CACNB2: variants seen among roughly 807,000 people sequenced by gnomAD.
CACNB2 encodes the protein voltage-dependent L-type calcium channel subunit beta-2.
In CACNB2, 42 loss-of-function variants were observed where a neutral mutation model predicts 73.3. The ratio of observed to expected loss-of-function variants is 0.57; its 90% confidence interval spans 0.45 to 0.74. The LOEUF (loss-of-function observed/expected upper bound fraction) is 0.74. CACNB2 is among the 30% of genes least tolerant of loss of function. The pLI is 0.00. For synonymous variants in CACNB2, 348 were observed against 310.3 expected (o/e 1.12, Z -1.28); for missense variants, 940 against 853.0 (o/e 1.10, Z -1.27).
chr10:18,344,073 A>T (rs1488186874), intron 2 of CACNB2, among the ~76,000 whole-genome samples: 1 of 151,978 alleles, frequency 6.6e-6, no homozygotes, highest in Non-Finnish European at 1.5e-5. Flanking sequence ...TATCAAAAAA[A>T]AAAAAAAAAA....
chr10:18,302,405 A>AT (rs1196852013), intron 2 of CACNB2, among the ~76,000 whole-genome samples: 1 of 152,246 alleles, frequency 6.6e-6, no homozygotes, highest in Non-Finnish European at 1.5e-5. Flanking sequence ...ATGCACGTTT[A>AT]TAGCAGCAGA....
rs1038045815 is a variant in CACNB2 at position 18,156,560 on chromosome 10, G to A, written c.213+5585G>A. Among the ~76,000 whole-genome samples, 12 of 152,306 alleles carry A rather than the reference G, an allele frequency of 7.9e-5. No individual in the cohort carries two copies. In the South Asian group the frequency reaches 8.3e-4, roughly 11 times the overall value. On this transcript the variant is annotated intron_variant, in intron 2 of 13. Transcript: ENST00000324631. ...TGTCCATAGGGGTCATTGGCTGTGC[G>A]TGGCAGATGTTAGTGGGATTTCCCA...
At chr10:18,374,828 C>T (rs987907889) in intron 2 of CACNB2, among the ~76,000 whole-genome samples, 1 of 152,126 alleles carries the variant, frequency 6.6e-6, no homozygotes, top group Non-Finnish European at 1.5e-5. Flanking sequence ...CAGCCTCCTT[C>T]CCAGTTTTCA....
chr10:18,151,656 A>G (rs2031568786), intron 2 of CACNB2, among the ~76,000 whole-genome samples: 1 of 152,082 alleles, frequency 6.6e-6, no homozygotes, highest in African/African-American at 2.4e-5. Flanking sequence ...TGGACCTCTG[A>G]GGGTTGTGGT....
At chr10:18,323,260 C>G (rs2040461563) in intron 2 of CACNB2, among the ~76,000 whole-genome samples, 1 of 152,018 alleles carries the variant, frequency 6.6e-6, no homozygotes, top group Non-Finnish European at 1.5e-5. Context: ...CTCCTGGCCT[C>G]TCCTTGTTTT....
chr10:18,144,160 C>T (rs1470134842), intron 1 of CACNB2, among the ~76,000 whole-genome samples: 1 of 152,206 alleles, frequency 6.6e-6, no homozygotes, highest in East Asian at 1.9e-4. Context: ...TCACTGCAAC[C>T]TCCACCTCCT....
At chr10:18,317,743 T>C (rs1348879718) in intron 2 of CACNB2, among the ~76,000 whole-genome samples, 1 of 152,148 alleles carries the variant, frequency 6.6e-6, no homozygotes, top group Non-Finnish European at 1.5e-5. Context: ...CTAAGGAACA[T>C]CCATTCTTTC....
rs143039682 is a variant in CACNB2 at position 18,280,673 on chromosome 10, A to C, written c.214-121251A>C. On this transcript the variant is annotated intron_variant, in intron 2 of 13. Transcript: ENST00000324631. ...CCCTGTCTTCACTGTCTTCACTACC[A>C]GTCAGTACCTTTACAAATTTCAAGT... is the stretch of plus-strand genomic sequence containing the variant. Among the ~76,000 whole-genome samples, 12 of 152,322 alleles carry C rather than the reference A, an allele frequency of 7.9e-5. No individual in the cohort carries two copies. The East Asian group carries it at 2.3e-3, about 29-fold the overall frequency.
Position 18,156,897 on chromosome 10 carries a change from G to A in CACNB2, c.213+5922G>A, listed in dbSNP as rs186924456. ...TAGAAAAAAAAAAAAAAATTGGCTG[G>A]GTGTGGTGGCGCATGCCTGTAATCC... is the stretch of plus-strand genomic sequence containing the variant. On this transcript the variant is annotated intron_variant, in intron 2 of 13. Transcript: ENST00000324631. Among the ~76,000 whole-genome samples the A allele has an allele frequency of 5.3e-5, 8 of 152,004 alleles. No homozygotes were observed. The South Asian group carries it at 6.3e-4, about 12-fold the overall frequency.
intron 4 of CACNB2, chr10:18,498,721 G>A: frequency 2.0e-6 from 1 of 492,114 alleles, no homozygotes; most frequent in Non-Finnish European, 3.7e-6. Flanking sequence ...CCCAGAAATT[G>A]GGAACTGCTA....
chr10:18,387,324 T>C (rs1397231393), intron 2 of CACNB2, among the ~76,000 whole-genome samples: 1 of 152,168 alleles, frequency 6.6e-6, no homozygotes, highest in African/African-American at 2.4e-5. Context: ...TCCTTTATAG[T>C]AGTTATCAGA....
intron 2 of CACNB2, among the ~76,000 whole-genome samples, chr10:18,320,379 C>A (rs1203464691): frequency 1.3e-5 from 2 of 152,094 alleles, no homozygotes; most frequent in South Asian, 4.2e-4. Context: ...TAGTTAAGTA[C>A]GAAACAAATT....
chr10:18,343,618 A>G (rs367980220), intron 2 of CACNB2, among the ~76,000 whole-genome samples: 1 of 152,148 alleles, frequency 6.6e-6, no homozygotes, highest in Non-Finnish European at 1.5e-5. Flanking sequence ...GCCTTCCTAT[A>G]TTTTCTGCAA....
At chr10:18,154,297 A>G (rs1258012818) in intron 2 of CACNB2, among the ~76,000 whole-genome samples, 1 of 151,998 alleles carries the variant, frequency 6.6e-6, no homozygotes, top group African/African-American at 2.4e-5. Context: ...AACTTTAAAA[A>G]AAAAAAAAAC....
chr10:18,499,769 G>C (rs947984665), intron 4 of CACNB2, among the ~76,000 whole-genome samples: 2 of 106,696 alleles, frequency 1.9e-5, no homozygotes, highest in East Asian at 3.2e-4. Context: ...TTGAGCCCAG[G>C]AGACCAGCCT....
intron 3 of CACNB2, among the ~76,000 whole-genome samples, chr10:18,465,175 T>G (rs1045555681): frequency 6.6e-5 from 10 of 152,020 alleles, no homozygotes; most frequent in Admixed American, 3.9e-4. Flanking sequence ...ACTAAAAATA[T>G]AAAAATTAGC....
At chr10:18,448,710 A>G (rs2132589761) in intron 3 of CACNB2, among the ~76,000 whole-genome samples, 1 of 152,254 alleles carries the variant, frequency 6.6e-6, no homozygotes, top group Non-Finnish European at 1.5e-5. Context: ...TCCACCCCAG[A>G]GAAGGGAAAA....
Position 18,401,096 on chromosome 10 carries a change from T to C in CACNB2, c.214-828T>C, listed in dbSNP as rs760386247. 7 of 1,614,058 alleles carry C rather than the reference T, an allele frequency of 4.3e-6. No homozygotes were observed. In the African/African-American group the frequency reaches 5.3e-5, roughly 12 times the overall value. Reference sequence around the variant, plus strand: ...GGAGGAAGGCTGAAGAATTCTGATATCTGTGTAAGCGCAAGGGCTTTCGTT... The same window carrying C: ...GGAGGAAGGCTGAAGAATTCTGATACCTGTGTAAGCGCAAGGGCTTTCGTT... On this transcript the variant is annotated intron_variant, in intron 2 of 13. Coordinates refer to ENST00000324631, the MANE Select transcript of CACNB2 (RefSeq NM_201596.3).
At chr10:18,535,922 A>T (rs2053527320) in intron 11 of CACNB2, among the ~76,000 whole-genome samples, 179 bp from the exon 12 acceptor site, 1 of 152,118 alleles carries the variant, frequency 6.6e-6, no homozygotes, top group African/African-American at 2.4e-5. Flanking sequence ...GTGAGTGCTT[A>T]AAGCTTGCAA....
Sources: allele counts gnomAD v4.1 joint callset (sites outside exome capture counted in the v4.1 genomes callset), GRCh38; gene constraint gnomAD v4.1.1; transcripts MANE v1.5; gene names NCBI Gene and HGNC (gene_info 2026-07-23, HGNC 2026-07-21).